SLC25A42: variants seen among roughly 807,000 people sequenced by gnomAD.
SLC25A42 encodes the protein mitochondrial coenzyme A transporter SLC25A42.
Under a neutral mutation model 34.7 loss-of-function variants are expected in SLC25A42, and 19 were observed. The observed-to-expected ratio is 0.55, with a 90% CI of 0.38 to 0.80. SLC25A42 has a LOEUF of 0.80. SLC25A42 is among the 30% of genes least tolerant of loss of function. The probability of loss-of-function intolerance (pLI) is 0.00; values close to 1 mark genes in which losing one functional copy is unlikely to be tolerated. For synonymous variants in SLC25A42, 205 were observed against 191.2 expected (o/e 1.07, Z -0.59); for missense variants, 364 against 441.3 (o/e 0.82, Z 1.57).
At chr19:19,083,318 A>G (rs1043047582) in intron 1 of SLC25A42, among the ~76,000 whole-genome samples, 1 of 152,160 alleles carries the variant, frequency 6.6e-6, no homozygotes, top group African/African-American at 2.4e-5. Context: ...AGTCTCCCCC[A>G]TCTCAAGACC....
At chr19:19,082,959 C>T (rs1599671421) in intron 1 of SLC25A42, among the ~76,000 whole-genome samples, 1 of 152,142 alleles carries the variant, frequency 6.6e-6, no homozygotes, top group East Asian at 1.9e-4. Context: ...GCTGGGACTA[C>T]AGGTGCGTGC....
chr19:19,085,343 C>T (rs930648602), intron 1 of SLC25A42, among the ~76,000 whole-genome samples: 1 of 151,776 alleles, frequency 6.6e-6, no homozygotes, highest in African/African-American at 2.4e-5. Context: ...GATTCCAGAG[C>T]ACAGGGGCAA....
chr19:19,089,363 T>A (rs943996810), intron 1 of SLC25A42, among the ~76,000 whole-genome samples: 3 of 146,684 alleles, frequency 2.0e-5, no homozygotes, highest in African/African-American at 5.1e-5. Flanking sequence ...CCATCTCTAG[T>A]AAAAGTACAA....
intron 2 of SLC25A42, 114 bp from the exon 3 acceptor site, chr19:19,101,666 TG>T: frequency 1.2e-6 from 1 of 849,942 alleles, no homozygotes; most frequent in Non-Finnish European, 1.8e-6. Context: ...ATACTCAGGG[TG>T]GGGTACATCC....
intron 3 of SLC25A42, 42 bp downstream of exon 3, chr19:19,101,928 C>T (rs575299269): frequency 1.6e-5 from 22 of 1,403,366 alleles, no homozygotes; most frequent in South Asian, 6.0e-5. Context: ...AGCTGCCAGG[C>T]GGTCACCTCC....
At chr19:19,104,586 CT>C (rs1252243591) in intron 3 of SLC25A42, among the ~76,000 whole-genome samples, 1 of 152,214 alleles carries the variant, frequency 6.6e-6, no homozygotes. Context: ...ATGTAGACCC[CT>C]GCAGGCCTTG....
At chr19:19,067,118 C>G (rs2059607062) in intron 1 of SLC25A42, among the ~76,000 whole-genome samples, 1 of 151,916 alleles carries the variant, frequency 6.6e-6, no homozygotes, top group South Asian at 2.1e-4. Context: ...CTGTGGCCAG[C>G]TCAGTTATCT....
intron 1 of SLC25A42, 54 bp from the exon 2 acceptor site, chr19:19,096,030 TGGAACAC>T (rs2059762871): frequency 8.7e-7 from 1 of 1,146,388 alleles, no homozygotes. Flanking sequence ...AAAAGGCTGG[TGGAACAC>T]CCACCATCTC....
intron 1 of SLC25A42, among the ~76,000 whole-genome samples, chr19:19,094,093 A>G (rs1038032766): frequency 6.6e-6 from 1 of 152,170 alleles, no homozygotes; most frequent in African/African-American, 2.4e-5. Flanking sequence ...GTTGTCCTGG[A>G]TCACCTAGCC....
chr19:19,071,851 G>A (rs908159380), intron 1 of SLC25A42, among the ~76,000 whole-genome samples: 1 of 151,626 alleles, frequency 6.6e-6, no homozygotes, highest in African/African-American at 2.4e-5. Flanking sequence ...AGGCAACAAA[G>A]CGAGAATCCG....
intron 2 of SLC25A42, among the ~76,000 whole-genome samples, chr19:19,097,329 C>T (rs373603305): frequency 6.9e-4 from 105 of 152,306 alleles, no homozygotes; most frequent in African/African-American, 2.5e-3. Context: ...ACTCATTCAC[C>T]GGGGTCACCA....
At chr19:19,066,250 C>T (rs1247488634) in intron 1 of SLC25A42, among the ~76,000 whole-genome samples, 2 of 152,172 alleles carry the variant, frequency 1.3e-5, no homozygotes, top group Non-Finnish European at 2.9e-5. Flanking sequence ...CGTTCCTCCT[C>T]AGATGCACCT....
At chr19:19,076,107 G>A (rs188947275) in intron 1 of SLC25A42, among the ~76,000 whole-genome samples, 21 of 152,276 alleles carry the variant, frequency 1.4e-4, no homozygotes, top group Admixed American at 7.9e-4. Flanking sequence ...GCCACTGTGC[G>A]TGTGGACCAA....
At chr19:19,069,712 T>A (rs1374066920) in intron 1 of SLC25A42, among the ~76,000 whole-genome samples, 1 of 152,192 alleles carries the variant, frequency 6.6e-6, no homozygotes, top group Non-Finnish European at 1.5e-5. Context: ...TGGAGTGCAG[T>A]GATATGATCA....
rs537073173 is a variant in SLC25A42, at chr19:19,065,811, T to A, written c.-35+1696T>A. 3.9e-5 allele frequency among the ~76,000 whole-genome samples: 6 copies of A among 152,358 alleles called. No individual in the cohort carries two copies. The East Asian group carries it at 7.7e-4, about 20-fold the overall frequency. ...TTATATATACATATTTCGTGTGTGT[T>A]ATATATGTACATGTGTATAAACTTT... On this transcript the variant is annotated intron_variant, in intron 1 of 7. Coordinates refer to ENST00000318596, the MANE Select transcript of SLC25A42 (RefSeq NM_178526.5).
chr19:19,073,831 C>T (rs555548943), intron 1 of SLC25A42, among the ~76,000 whole-genome samples: 67 of 152,326 alleles, frequency 4.4e-4, no homozygotes, highest in Non-Finnish European at 6.8e-4. Context: ...GCCTTGGCCT[C>T]CCAAACTGCT....
intron 4 of SLC25A42, chr19:19,105,295 A>C: frequency 1.7e-6 from 1 of 575,044 alleles, no homozygotes; most frequent in South Asian, 2.4e-5. Flanking sequence ...GCTGCTTTGC[A>C]GCCTGGTTCG....
intron 1 of SLC25A42, among the ~76,000 whole-genome samples, chr19:19,088,502 G>A (rs1290284728): frequency 5.3e-5 from 8 of 151,034 alleles, no homozygotes; most frequent in Admixed American, 5.3e-4. Context: ...CACCGCGCCT[G>A]GCCCGAGACG....
At chr19:19,104,854 G>T in intron 3 of SLC25A42, 59 bp from the exon 4 acceptor site, 3 of 1,604,468 alleles carry the variant, frequency 1.9e-6, no homozygotes. Context: ...GTGGGGCCAC[G>T]CAGATGGGAG....
Sources: allele counts gnomAD v4.1 joint callset (sites outside exome capture counted in the v4.1 genomes callset), GRCh38; gene constraint gnomAD v4.1.1; transcripts MANE v1.5; gene names NCBI Gene and HGNC (gene_info 2026-07-23, HGNC 2026-07-21).